The following RGS3 variants were observed in gnomAD, a reference collection of about 807,000 sequenced individuals.
RGS3 encodes regulator of G-protein signalling 3.
Under a neutral mutation model 132.6 loss-of-function variants are expected in RGS3, and 80 were observed. The observed-to-expected ratio is 0.60, with a 90% CI of 0.50 to 0.73. RGS3 has a LOEUF of 0.73. Among genes scored for constraint, RGS3 ranks in the 30% least tolerant of loss-of-function variants. RGS3 has a pLI of 0.00. For synonymous variants in RGS3, 598 were observed against 620.6 expected (o/e 0.96, Z 0.54); for missense variants, 1,382 against 1,530.8 (o/e 0.90, Z 1.62).
In RGS3 at chr9:113,461,743, T is replaced by G. The variant is rs749971795; in HGVS notation, c.117T>G (p.Leu39=). 10 of 1,614,146 alleles carry G rather than the reference T, an allele frequency of 6.2e-6. No homozygotes were observed. The Middle Eastern group carries it at 1.5e-3, about 240-fold the overall frequency. The change falls in exon 2 of 25, where the codon CTT becomes CTG. Residue 39 remains leucine (L), a synonymous_variant. Transcript: ENST00000350696. ...ACAGCACACCTTTGCCCAATTTTCT[T>G]TCTGGATCTCACCGTCCTGAGTGTT...
chr9:113,577,372 C>T (rs1834580295), intron 19 of RGS3, among the ~76,000 whole-genome samples: 1 of 152,182 alleles, frequency 6.6e-6, no homozygotes, highest in Non-Finnish European at 1.5e-5. Context: ...TTGCCAACCT[C>T]CCTAGTAAAA....
intron 15 of RGS3, among the ~76,000 whole-genome samples, 180 bp downstream of exon 13, chr9:113,514,834 G>A (rs2119368290): frequency 6.6e-6 from 1 of 152,274 alleles, no homozygotes; most frequent in African/African-American, 2.4e-5. Context: ...GAGATTTCCA[G>A]GGAGATACAC....
chr9:113,556,106 T>A (rs900746519), intron 19 of RGS3, among the ~76,000 whole-genome samples: 1 of 152,186 alleles, frequency 6.6e-6, no homozygotes, highest in Non-Finnish European at 1.5e-5. Flanking sequence ...GAGAGCAGTG[T>A]TCTGTGGTTT....
intron 19 of RGS3, among the ~76,000 whole-genome samples, chr9:113,569,479 T>G (rs1382018595): frequency 6.6e-6 from 1 of 152,094 alleles, no homozygotes; most frequent in Admixed American, 6.5e-5. Flanking sequence ...CATGAAATCT[T>G]CACTTCTCAG....
chr9:113,583,980 C>A (rs1340567443), exon 20 of RGS3: 3 of 1,614,108 alleles, frequency 1.9e-6, no homozygotes, highest in African/African-American at 1.3e-5. Flanking sequence ...CCTTCGTGAT[C>A]CCTGAGGTCC....
At chr9:113,520,374 A>T (rs1179761366) in intron 16 of RGS3, among the ~76,000 whole-genome samples, 1 of 152,024 alleles carries the variant, frequency 6.6e-6, no homozygotes, top group Non-Finnish European at 1.5e-5. Flanking sequence ...CCTTTGGGAA[A>T]TTTTTCATTT....
rs1831552859 is a variant in RGS3, at chr9:113,514,439, C to T, written c.1478-19C>T. 8.1e-6 allele frequency: 13 copies of T among 1,606,156 alleles called. No homozygotes were observed. Among genetic ancestry groups the T allele is most frequent in the Non-Finnish European group, 1.0e-5 (12 of 1,173,832 alleles). On this transcript the variant is annotated intron_variant, in intron 14 of 24. Transcript: ENST00000350696. ...GGAGTGACGGAAATGTCTCATAGTCCCCCATCTCTGTTTCACAGAATCAGG... is the reference window on the plus strand; with the variant it reads ...GGAGTGACGGAAATGTCTCATAGTCTCCCATCTCTGTTTCACAGAATCAGG...
chr9:113,576,648 T>G (rs1834539671), intron 19 of RGS3, among the ~76,000 whole-genome samples: 1 of 152,140 alleles, frequency 6.6e-6, no homozygotes, highest in South Asian at 2.1e-4. Context: ...TTCATTCATT[T>G]ATTCATTCAA....
At chr9:113,595,449 C>A in intron 23 of RGS3, 150 bp from the exon 22 acceptor site, 1 of 794,056 alleles carries the variant, frequency 1.3e-6, no homozygotes, top group Non-Finnish European at 2.0e-6. Context: ...GGGCTGGGGC[C>A]ACATCCCAGG....
At chr9:113,571,910 C>G (rs1243762467) in intron 19 of RGS3, among the ~76,000 whole-genome samples, 1 of 152,166 alleles carries the variant, frequency 6.6e-6, no homozygotes, top group Admixed American at 6.5e-5. Flanking sequence ...GACTCATTTT[C>G]TCTGGATAAA....
chr9:113,476,489 C>G (rs1829998361), intron 3 of RGS3, among the ~76,000 whole-genome samples: 1 of 152,144 alleles, frequency 6.6e-6, no homozygotes, highest in African/African-American at 2.4e-5. Context: ...CAGGTGTGTC[C>G]TGGCCTGGGG....
rs935297896 is a variant in RGS3, at chr9:113,463,026, C to A, written c.415+825C>A. On this transcript the variant is annotated intron_variant, in intron 3 of 24. Transcript: ENST00000350696. This position sits in a 1 kb window ranked among gnomAD's most constrained non-coding sequence, Gnocchi z 4.6. ...GGTTTGACCTTCCAGCTCTGCCTCC[C>A]CGCACCAGGCTGGGGGATTCACCCA... is the stretch of plus-strand genomic sequence containing the variant. Among the ~76,000 whole-genome samples, 1 of 152,210 alleles carries A rather than the reference C, an allele frequency of 6.6e-6. No homozygotes were observed. The highest frequency in any genetic ancestry group is 1.5e-5 in the Non-Finnish European group (1 of 68,036).
chr9:113,568,235 T>C (rs138234765), intron 19 of RGS3, among the ~76,000 whole-genome samples: 219 of 152,252 alleles, frequency 1.4e-3, no homozygotes, highest in African/African-American at 5.2e-3. Flanking sequence ...AGTATCCAGG[T>C]TTCATCTTGG....
At chr9:113,584,398 C>T (rs746983346) in exon 20 of RGS3, 2 of 1,527,686 alleles carry the variant, frequency 1.3e-6, no homozygotes, top group African/African-American at 1.4e-5. Context: ...CATGCACCAC[C>T]TTTCCCTCTT....
chr9:113,512,025 G>C (rs1230258196), intron 14 of RGS3, among the ~76,000 whole-genome samples: 1 of 152,140 alleles, frequency 6.6e-6, no homozygotes, highest in Non-Finnish European at 1.5e-5. Flanking sequence ...AATCCACCAA[G>C]CTCTTTTCCA....
In RGS3 at chr9:113,507,746, A is replaced by T. The variant is rs1430662230; in HGVS notation, c.1437+108A>T. ...GATGAGCAGCCTGTGAGGGGCTGCG[A>T]TGTTGGGCAAGGAGATGGGGTATGT... On this transcript the variant is annotated intron_variant, in intron 13 of 24. Coordinates refer to ENST00000350696, the Ensembl canonical transcript of RGS3. This position sits in a 1 kb window ranked among gnomAD's most constrained non-coding sequence, Gnocchi z 5.0. 16 of 912,026 alleles carry T rather than the reference A, an allele frequency of 1.8e-5. No individual in the cohort carries two copies. Among genetic ancestry groups the T allele is most frequent in the Non-Finnish European group, 2.1e-5 (13 of 629,692 alleles). 56.5% of individuals were successfully genotyped at this position (912,026 alleles called of 1,614,324 possible).
At chr9:113,521,060 A>G (rs1184890946) in intron 16 of RGS3, among the ~76,000 whole-genome samples, 5 of 152,166 alleles carry the variant, frequency 3.3e-5, no homozygotes, top group Admixed American at 3.3e-4. Flanking sequence ...GGTGTTATTT[A>G]TAAGTGAGGA....
At chr9:113,488,217 C>T (rs574559382) in intron 7 of RGS3, among the ~76,000 whole-genome samples, 7 of 152,224 alleles carry the variant, frequency 4.6e-5, no homozygotes, top group South Asian at 2.1e-4. Context: ...AACTCCTGGG[C>T]GGCTGGTGGT....
intron 14 of RGS3, among the ~76,000 whole-genome samples, chr9:113,511,991 C>A (rs1831424599): frequency 6.6e-6 from 1 of 152,040 alleles, no homozygotes; most frequent in Non-Finnish European, 1.5e-5. Flanking sequence ...TGTGATAATC[C>A]CCTGACTACT....
Sources: allele counts gnomAD v4.1 joint callset (sites outside exome capture counted in the v4.1 genomes callset), GRCh38; gene constraint gnomAD v4.1.1; non-coding constraint Gnocchi (gnomAD v3.1); transcripts MANE v1.5; gene names NCBI Gene and HGNC (gene_info 2026-07-23, HGNC 2026-07-21).